The following EP300 variants were observed in gnomAD, a reference collection of about 807,000 sequenced individuals.
The protein encoded by EP300 is histone acetyltransferase p300.
EP300 carries 31 observed loss-of-function variants against 264.0 expected under a neutral mutation model. The observed-to-expected ratio is 0.12, with a 90% CI of 0.09 to 0.16. The LOEUF (loss-of-function observed/expected upper bound fraction) is 0.16. Among genes scored for constraint, EP300 ranks in the 10% least tolerant of loss-of-function variants. The pLI is 1.00. For synonymous variants in EP300, 1,340 were observed against 1,045.4 expected (o/e 1.28, Z -5.44); for missense variants, 2,766 against 3,052.9 (o/e 0.91, Z 2.21).
chr22:41,149,371 A>G (rs2059030078), intron 13 of EP300, among the ~76,000 whole-genome samples, 196 bp downstream of exon 13: 1 of 152,242 alleles, frequency 6.6e-6, no homozygotes, highest in Non-Finnish European at 1.5e-5. Flanking sequence ...ATTGTTACAA[A>G]GTAGGAAATA....
chr22:41,149,016 T>G lies in EP300; in HGVS notation c.2242-22T>G, dbSNP rs774280306. ...AACTATAATGAAGCAGTTTGGTGATTTGTGTTTTTTTTTTTTTTCAGCCTA... is the reference window on the plus strand; with the variant it reads ...AACTATAATGAAGCAGTTTGGTGATGTGTGTTTTTTTTTTTTTTCAGCCTA... On this transcript the variant is annotated intron_variant, in intron 12 of 30. Transcript: ENST00000263253. 7 of 1,612,526 alleles carry G rather than the reference T, an allele frequency of 4.3e-6. No individual in the cohort carries two copies. In the African/African-American group the frequency reaches 8.0e-5, roughly 19 times the overall value.
chr22:41,177,839 C>T lies in EP300; in HGVS notation c.6128C>T (p.Pro2043Leu), dbSNP rs546354866. The change falls in exon 31 of 31, where the codon CCA becomes CTA. Residue 2043 changes from proline (P) to leucine (L), a missense_variant. Pro to Leu is a moderately conservative substitution (Grantham distance 98). Coordinates refer to ENST00000263253, the MANE Select transcript of EP300 (RefSeq NM_001429.4). Reference protein sequence around the residue: ...LGQVGISPLKPGTVSQQALQN... With the variant: ...LGQVGISPLKLGTVSQQALQN... ...CAGGTAGGTATCAGCCCACTCAAAC[C>T]AGGCACTGTGTCTCAACAAGCCTTA... The T allele has an allele frequency of 1.9e-6, 3 of 1,614,144 alleles. No individual in the cohort carries two copies. The highest frequency in any genetic ancestry group is 1.3e-5 in the African/African-American group (1 of 75,040).
chr22:41,132,112 C>G (rs2058923112), intron 6 of EP300, among the ~76,000 whole-genome samples: 1 of 150,960 alleles, frequency 6.6e-6, no homozygotes, highest in Non-Finnish European at 1.5e-5. Context: ...AGGAGAATGG[C>G]TTGAACCTGG....
Position 41,160,681 on chromosome 22 carries a change from G to A in EP300, c.3630G>A (p.Gly1210=), listed in dbSNP as rs192742421. The change falls in exon 20 of 31, where the codon GGG becomes GGA. Residue 1210 remains glycine (G), a synonymous_variant. Transcript: ENST00000263253. ...FCEKCFNEIQ[G]ESVSLGDDPS... The stretch of plus-strand genomic sequence containing the variant: ...AGAAGTGTTTCAATGAGATCCAAGG[G>A]GAGAGCGTTTCTTTGGGGGATGACC... The A allele has an allele frequency of 4.5e-4, 728 of 1,614,058 alleles. 2 individuals carry two copies. The highest frequency in any genetic ancestry group is 6.7e-5 in the African/African-American group (5 of 75,010).
At chr22:41,125,608 C>G (rs1259329124) in intron 2 of EP300, among the ~76,000 whole-genome samples, 2 of 152,140 alleles carry the variant, frequency 1.3e-5, no homozygotes, top group South Asian at 4.1e-4. Flanking sequence ...CCTCTACCTC[C>G]CAGGCTTCAC....
At chr22:41,169,346 CG>C (rs755822342) in intron 25 of EP300, 156 bp from the exon 26 acceptor site, 123 of 653,718 alleles carry the variant, frequency 1.9e-4, no homozygotes, top group Non-Finnish European at 3.0e-4. Flanking sequence ...GAAGGGTTCA[CG>C]GCGGAGTCGC....
intron 1 of EP300, among the ~76,000 whole-genome samples, chr22:41,116,538 C>G (rs950506270): frequency 1.3e-5 from 2 of 152,156 alleles, no homozygotes; most frequent in African/African-American, 4.8e-5. Flanking sequence ...AGGACATGAA[C>G]TCATCCTTTT....
At position 41,117,200 on chromosome 22, in the gene EP300, A is replaced by G. The variant is rs374715858; in HGVS notation, c.108A>G (p.Leu36=). ...SASDGTDFGS[L]FDLEHDLPDE... is the part of the protein sequence containing the mutation. ...CTTTGCTTTTAGATTTTGGCTCTCTATTTGACTTGGAGCACGACTTACCAG... is the reference window on the plus strand; with the variant it reads ...CTTTGCTTTTAGATTTTGGCTCTCTGTTTGACTTGGAGCACGACTTACCAG... Residue 36 remains leucine (L), a synonymous_variant, in exon 2 of 31, where the codon CTA becomes CTG. Coordinates refer to ENST00000263253, the MANE Select transcript of EP300 (RefSeq NM_001429.4). The G allele has an allele frequency of 4.9e-5, 79 of 1,614,006 alleles. No individual in the cohort carries two copies. Among genetic ancestry groups the G allele is most frequent in the Non-Finnish European group, 6.3e-5 (74 of 1,180,026 alleles).
chr22:41,151,853 C>G lies in EP300; in HGVS notation c.2838C>G (p.Ser946Arg), dbSNP rs2059047440. ...PATPLSQPAV[S>R]IEGQVSNPPS... ...CCCAGCTTTCCCAGCCAGCTGTAAGCATTGAAGGACAGGTATCAAATCCTC... is the reference window on the plus strand; with the variant it reads ...CCCAGCTTTCCCAGCCAGCTGTAAGGATTGAAGGACAGGTATCAAATCCTC... The change falls in exon 15 of 31, where the codon AGC becomes AGG. Residue 946 changes from serine to arginine, a missense_variant. Transcript: ENST00000263253. 6.2e-7 allele frequency: 1 copy of G among 1,614,132 alleles called. No homozygotes were observed. The highest frequency in any genetic ancestry group is 8.5e-7 in the Non-Finnish European group (1 of 1,180,030).
At chr22:41,169,069 G>A (rs907368572) in intron 25 of EP300, 2 of 702,166 alleles carry the variant, frequency 2.8e-6, no homozygotes, top group Non-Finnish European at 4.9e-6. Flanking sequence ...CTCTTCTGTG[G>A]TCATAGTAAT....
chr22:41,137,874 A>T (rs1244219854), intron 8 of EP300, 84 bp downstream of exon 8: 3 of 1,580,784 alleles, frequency 1.9e-6, no homozygotes, highest in African/African-American at 2.7e-5. Context: ...TAATTACTAA[A>T]GGAATATTAG....
intron 1 of EP300, among the ~76,000 whole-genome samples, chr22:41,095,025 A>G (rs2058694459): frequency 6.6e-6 from 1 of 152,118 alleles, no homozygotes; most frequent in Non-Finnish European, 1.5e-5. Context: ...TCATTCACTC[A>G]TAATGCTAAG....
At chr22:41,110,590 A>G (rs1464232346) in intron 1 of EP300, among the ~76,000 whole-genome samples, 1 of 151,830 alleles carries the variant, frequency 6.6e-6, no homozygotes, top group Admixed American at 6.6e-5. Context: ...GAGCTACCAC[A>G]TCCGGCCTAT....
At chr22:41,094,337 G>A (rs1193337421) in intron 1 of EP300, among the ~76,000 whole-genome samples, 1 of 152,160 alleles carries the variant, frequency 6.6e-6, no homozygotes, top group Non-Finnish European at 1.5e-5. Flanking sequence ...AGAGAACTTC[G>A]AGAGCATGTT....
At chr22:41,160,421 A>C (rs77940285) in intron 19 of EP300, 1 of 482,790 alleles carries the variant, frequency 2.1e-6, no homozygotes, top group Non-Finnish European at 3.8e-6. Flanking sequence ...TTTGATTGCA[A>C]AAAAAAAAAC....
intron 2 of EP300, among the ~76,000 whole-genome samples, chr22:41,123,273 T>C (rs1294638304): frequency 1.3e-5 from 2 of 152,116 alleles, no homozygotes; most frequent in African/African-American, 4.8e-5. Flanking sequence ...TGTTCAGTTG[T>C]AGGGAAAGGG....
rs777191526 is a variant in EP300 at position 41,125,876 on chromosome 22, A to C, written c.742A>C (p.Asn248His). The C allele has an allele frequency of 2.4e-5, 39 of 1,614,046 alleles. No individual in the cohort carries two copies. Among genetic ancestry groups the C allele is most frequent in the Non-Finnish European group, 3.3e-5 (39 of 1,180,010 alleles). ...TTCTTACTCTTAGATGGGAATGATG[A>C]ACAACCCCAATCCTTATGGTTCACC... is the stretch of plus-strand genomic sequence containing the variant. The part of the protein sequence containing the change: ...GPQPLKMGMM[N>H]NPNPYGSPYT... Residue 248 changes from asparagine (N) to histidine (H), a missense_variant, in exon 3 of 31, where the codon AAC becomes CAC. Transcript: ENST00000263253.
At position 41,154,376 on chromosome 22, in the gene EP300, C is replaced by CTTTTTTTTT. The variant is rs869304891; in HGVS notation, c.3143-604_3143-596dup. The stretch of plus-strand genomic sequence containing the variant: ...TCTTAACACGAGTATCTTGTGCACT[C>CTTTTTTTTT]TTTTTTTTTTTTTTTTTTTTTTTGA... On this transcript the variant is annotated intron_variant, in intron 16 of 30. Transcript: ENST00000263253. 2.9e-3 allele frequency among the ~76,000 whole-genome samples: 179 copies of CTTTTTTTTT among 61,786 alleles called. 16 individuals carry two copies. The highest frequency in any genetic ancestry group is 8.5e-3 in the African/African-American group (138 of 16,160). 40.5% of individuals were successfully genotyped at this position (61,786 alleles called of 152,430 possible).
At chr22:41,129,136 G>A (rs1056976472) in intron 4 of EP300, among the ~76,000 whole-genome samples, 3 of 151,042 alleles carry the variant, frequency 2.0e-5, no homozygotes, top group African/African-American at 4.9e-5. Flanking sequence ...TCAGCCTCCC[G>A]AGTAGATGGG....
Sources: gnomAD v4.1 joint callset for allele counts (sites outside exome capture counted in the v4.1 genomes callset) on GRCh38, gnomAD v4.1.1 for gene constraint, MANE v1.5 for transcripts, NCBI Gene and HGNC (gene_info 2026-07-23, HGNC 2026-07-21) for gene names.